MBTPS1: variants seen among roughly 807,000 people sequenced by gnomAD.
MBTPS1 encodes the protein membrane bound transcription factor peptidase, site 1, also known as membrane-bound transcription factor site-1 protease.
A neutral mutation model predicts 127.8 loss-of-function variants in MBTPS1; 94 were observed. The observed-to-expected ratio is 0.74, with a 90% confidence interval of 0.62 to 0.87. MBTPS1 has a LOEUF of 0.87. Among genes scored for constraint, MBTPS1 ranks in the 40% least tolerant of loss-of-function variants. MBTPS1 has a pLI of 0.00. For missense variants in MBTPS1, 1,636 were observed against 1,353.2 expected, an observed-to-expected ratio of 1.21 and a Z score of -3.28; for synonymous variants, 632 against 509.4, an observed-to-expected ratio of 1.24 and a Z score of -3.24.
chr16:84,082,324 G>C lies in MBTPS1; in HGVS notation c.1287-416C>G, dbSNP rs962675557. Among the ~76,000 whole-genome samples the C allele has an allele frequency of 3.9e-5, 6 of 152,268 alleles. No individual in the cohort carries two copies. The East Asian group carries it at 1.2e-3, about 29-fold the overall frequency. On this transcript the variant is annotated intron_variant, in intron 10 of 22. Transcript: ENST00000343411. ...CATTCAGATCCTGGGGAGGGGCCAC[G>C]ACACAGGACTAGCAGGAGGCACAGG...
In MBTPS1 at chr16:84,074,668, C is replaced by CA; in HGVS notation, c.1521dup (p.Gly508TrpfsTer8). ...ACATTAACAACTGTCGGCATTCCTCCATAGTAGATGGGCTGGGAGCAGTAG... is the reference window on the plus strand; with the variant it reads ...ACATTAACAACTGTCGGCATTCCTCCAATAGTAGATGGGCTGGGAGCAGTAG... On this transcript the variant is annotated frameshift_variant, in exon 12 of 23. Transcript: ENST00000343411. LOFTEE classifies it high-confidence loss of function. 1 of 1,614,036 alleles carries CA rather than the reference C, an allele frequency of 6.2e-7. No individual in the cohort carries two copies. The highest frequency in any genetic ancestry group is 8.5e-7 in the Non-Finnish European group (1 of 1,179,960).
intron 12 of MBTPS1, among the ~76,000 whole-genome samples, chr16:84,073,981 G>T (rs1328744949): frequency 6.6e-6 from 1 of 152,054 alleles, no homozygotes; most frequent in Non-Finnish European, 1.5e-5. Flanking sequence ...CCTCCAGCCT[G>T]GGCAACAAGA....
At chr16:84,066,330 A>C (rs1473981920) in intron 17 of MBTPS1, among the ~76,000 whole-genome samples, 159 bp downstream of exon 17, 1 of 152,242 alleles carries the variant, frequency 6.6e-6, no homozygotes, top group Non-Finnish European at 1.5e-5. Flanking sequence ...ACAAAACTAG[A>C]GCCTCACAGA....
At chr16:84,100,602 C>T (rs2086240885) in intron 2 of MBTPS1, among the ~76,000 whole-genome samples, 1 of 152,054 alleles carries the variant, frequency 6.6e-6, no homozygotes. Flanking sequence ...GTGGCAGGTG[C>T]CTGTAGTCCC....
rs1329423699 is a variant in MBTPS1 at position 84,060,741 on chromosome 16, G to A, written c.2645C>T (p.Ser882Phe). The A allele has an allele frequency of 6.2e-7, 1 of 1,612,928 alleles. No homozygotes were observed. Among genetic ancestry groups the A allele is most frequent in the Non-Finnish European group, 8.5e-7 (1 of 1,179,532 alleles). ...YGVTPPSLSH[S>F]GNRQRPPSGA... ...ACTGGGAGGGCGCTGGCGGTTCCCA[G>A]AGTGACTGAGGCTAGGCGGTGTCAC... The change falls in exon 20 of 23, where the codon TCT (serine) becomes TTT (phenylalanine). Residue 882 changes from serine (S) to phenylalanine (F), a missense_variant. Ser to Phe is a radical substitution (Grantham distance 155). Transcript: ENST00000343411.
intron 20 of MBTPS1, 189 bp from the exon 21 acceptor site, chr16:84,059,617 G>C: frequency 2.0e-6 from 1 of 497,004 alleles, no homozygotes; most frequent in Non-Finnish European, 3.6e-6. Flanking sequence ...GACAATGTGT[G>C]TTTCCATTGC....
chr16:84,116,474 C>T (rs961500300), intron 1 of MBTPS1, among the ~76,000 whole-genome samples: 1 of 152,260 alleles, frequency 6.6e-6, no homozygotes, highest in Non-Finnish European at 1.5e-5. Flanking sequence ...CGTATTGTTT[C>T]ACTCGGTGAA....
chr16:84,099,106 A>G lies in MBTPS1; in HGVS notation c.368T>C (p.Ile123Thr). The G allele has an allele frequency of 6.2e-7, 1 of 1,614,178 alleles. No individual in the cohort carries two copies. The highest frequency in any genetic ancestry group is 1.6e-4 in the Middle Eastern group (1 of 6,062). The change falls in exon 3 of 23, where the codon ATC (isoleucine) becomes ACC (threonine). Residue 123 changes from isoleucine (I) to threonine (T), a missense_variant. Physicochemically the swap from Ile to Thr is moderately conservative, Grantham distance 89. Coordinates refer to ENST00000343411, the MANE Select transcript of MBTPS1 (RefSeq NM_003791.4). Reference sequence around the variant, plus strand: ...TTTTCGTTGGGGCGTGACCCGTTTGATGTTTGGATGATCTTCAAGTGTTAG... The same window carrying G: ...TTTTCGTTGGGGCGTGACCCGTTTGGTGTTTGGATGATCTTCAAGTGTTAG... ...GLLTLEDHPN[I>T]KRVTPQRKVF...
rs372285651 is a variant in MBTPS1 at position 84,055,994 on chromosome 16, C to T, written c.2962+11G>A. The T allele has an allele frequency of 1.1e-5, 18 of 1,607,740 alleles. No homozygotes were observed. The highest frequency in any genetic ancestry group is 2.0e-4 in the Middle Eastern group (1 of 5,102). The stretch of plus-strand genomic sequence containing the variant: ...TGACTGAGCACAATCACAAAGCAGC[C>T]GAGAACTCACCTCCAGGAATGTCCC... On this transcript the variant is annotated intron_variant, in intron 22 of 22. Transcript: ENST00000343411.
chr16:84,089,157 A>C (rs2086070079), intron 8 of MBTPS1, among the ~76,000 whole-genome samples: 1 of 152,268 alleles, frequency 6.6e-6, no homozygotes, highest in Non-Finnish European at 1.5e-5. Context: ...TGAGAGAAAC[A>C]GAAGGAGGAC....
chr16:84,062,474 G>C (rs2085627195), intron 19 of MBTPS1, among the ~76,000 whole-genome samples: 1 of 152,160 alleles, frequency 6.6e-6, no homozygotes, highest in African/African-American at 2.4e-5. Context: ...TAAATGCCAG[G>C]AATGTAGTCA....
At chr16:84,082,021 T>C (rs2085949711) in intron 10 of MBTPS1, 113 bp from the exon 11 acceptor site, 2 of 671,976 alleles carry the variant, frequency 3.0e-6, no homozygotes, top group East Asian at 6.8e-5. Flanking sequence ...TTGTTTAGTA[T>C]CCAACAGGTG....
chr16:84,080,610 G>A (rs1251948508), intron 11 of MBTPS1, among the ~76,000 whole-genome samples: 2 of 152,242 alleles, frequency 1.3e-5, no homozygotes, highest in East Asian at 1.9e-4. Flanking sequence ...CCCTGGGGCT[G>A]CTCCCAGCCA....
In MBTPS1 at chr16:84,074,672, G is replaced by C. The variant is rs367848010; in HGVS notation, c.1518C>G (p.Tyr506Ter). The C allele has an allele frequency of 6.2e-7, 1 of 1,614,118 alleles. No individual in the cohort carries two copies. The highest frequency in any genetic ancestry group is 2.2e-5 in the East Asian group (1 of 44,880). The change falls in exon 12 of 23, where the codon TAC (tyrosine) becomes TAG (stop). Residue 506 changes from tyrosine to a stop codon, truncating the protein, a stop_gained. Coordinates refer to ENST00000343411, the MANE Select transcript of MBTPS1 (RefSeq NM_003791.4). LOFTEE classifies it high-confidence loss of function. ...YMWPYCSQPI[Y>*]YGGMPTVVNV... ...TAACAACTGTCGGCATTCCTCCATA[G>C]TAGATGGGCTGGGAGCAGTAGGGCC...
intron 2 of MBTPS1, among the ~76,000 whole-genome samples, chr16:84,100,882 C>T (rs117225899): frequency 0.041 from 6,190 of 151,616 alleles, 218 homozygotes; most frequent in African/African-American, 0.088. Flanking sequence ...AGGCCAGGCA[C>T]GGTGGCTCAT....
intron 3 of MBTPS1, among the ~76,000 whole-genome samples, chr16:84,098,663 C>T (rs906039789): frequency 2.0e-5 from 3 of 151,954 alleles, no homozygotes; most frequent in Non-Finnish European, 2.9e-5. Context: ...CTGAGAGAAG[C>T]GAAATGCAAG....
chr16:84,105,596 A>C (rs527604972), intron 1 of MBTPS1, among the ~76,000 whole-genome samples: 23 of 152,288 alleles, frequency 1.5e-4, no homozygotes, highest in African/African-American at 4.3e-4. Context: ...ACAGGAAGAC[A>C]CAGATGTGCA....
At chr16:84,071,258 C>T (rs576549575) in intron 12 of MBTPS1, among the ~76,000 whole-genome samples, 10 of 152,298 alleles carry the variant, frequency 6.6e-5, no homozygotes, top group Admixed American at 3.3e-4. Flanking sequence ...GGCTCAGCTG[C>T]GAGATGACCA....
At chr16:84,067,961 T>A in intron 15 of MBTPS1, 138 bp from the exon 16 acceptor site, 1 of 709,238 alleles carries the variant, frequency 1.4e-6, no homozygotes, top group Non-Finnish European at 2.3e-6. Context: ...TGTACCACTT[T>A]AAAAGGGACT....
Sources: gnomAD v4.1 joint callset for allele counts (sites outside exome capture counted in the v4.1 genomes callset) on GRCh38, gnomAD v4.1.1 for gene constraint, MANE v1.5 for transcripts, NCBI Gene and HGNC (gene_info 2026-07-23, HGNC 2026-07-21) for gene names.